CIB4: variants seen among roughly 807,000 people sequenced by gnomAD.
CIB4 encodes calcium and integrin-binding family member 4.
CIB4 carries 25 observed loss-of-function variants against 25.8 expected under a neutral mutation model. That is an observed-to-expected ratio of 0.97 (90% CI 0.71 to 1.35). CIB4 has a LOEUF of 1.35. Ranked by LOEUF, CIB4 falls within the 40% of genes most tolerant of loss-of-function variation. The probability of loss-of-function intolerance (pLI) is 0.00; values close to 1 mark genes in which losing one functional copy is unlikely to be tolerated. For synonymous variants in CIB4, 75 were observed against 81.4 expected (o/e 0.92, Z 0.42); for missense variants, 235 against 228.2 (o/e 1.03, Z -0.19).
chr2:26,606,976 A>G (rs72817146), intron 3 of CIB4, among the ~76,000 whole-genome samples: 2,857 of 152,318 alleles, frequency 0.019, 32 homozygotes, highest in Non-Finnish European at 0.028. Flanking sequence ...CCATGGGATC[A>G]TGTGGCTTGA....
chr2:26,601,231 A>AT (rs1553374674), intron 3 of CIB4, among the ~76,000 whole-genome samples: 14 of 17,194 alleles, frequency 8.1e-4, no homozygotes, highest in Non-Finnish European at 1.4e-3. Context: ...AAAAAAAAAA[A>AT]ATATATATAT....
chr2:26,626,776 G>A lies in CIB4; in HGVS notation c.186+2634C>T, dbSNP rs912796087. Among the ~76,000 whole-genome samples, 9 of 152,290 alleles carry A rather than the reference G, an allele frequency of 5.9e-5. No homozygotes were observed. In the East Asian group the frequency reaches 9.7e-4, roughly 16 times the overall value. ...GTGCACCTAGCCTATCTGCTGGGAA[G>A]AGCAGGCCTCACCCCACCTGCCCCA... On this transcript the variant is annotated intron_variant, in intron 3 of 6. Coordinates refer to ENST00000288861, the MANE Select transcript of CIB4 (RefSeq NM_001029881.3).
At chr2:26,591,857 C>G (rs1484784305) in intron 4 of CIB4, among the ~76,000 whole-genome samples, 3 of 152,230 alleles carry the variant, frequency 2.0e-5, no homozygotes, top group Non-Finnish European at 4.4e-5. Flanking sequence ...GGCAAGAAGT[C>G]AAGGCCCTAA....
intron 4 of CIB4, among the ~76,000 whole-genome samples, 162 bp from the exon 5 acceptor site, chr2:26,584,060 A>G (rs550089943): frequency 5.3e-5 from 8 of 152,256 alleles, no homozygotes; most frequent in African/African-American, 1.7e-4. Context: ...GGTCACACGT[A>G]TGTGCTAAAT....
intron 3 of CIB4, among the ~76,000 whole-genome samples, chr2:26,603,402 A>G (rs949441866): frequency 6.6e-6 from 1 of 152,192 alleles, no homozygotes; most frequent in Non-Finnish European, 1.5e-5. Context: ...AAGTAAATAT[A>G]AAAATACCTA....
At chr2:26,630,695 G>C (rs1275364283) in intron 2 of CIB4, among the ~76,000 whole-genome samples, 2 of 152,292 alleles carry the variant, frequency 1.3e-5, no homozygotes, top group East Asian at 3.9e-4. Context: ...GCCTCAGTCT[G>C]CTCCTCTTTG....
chr2:26,631,572 C>G (rs921003532), intron 2 of CIB4, among the ~76,000 whole-genome samples: 1 of 152,184 alleles, frequency 6.6e-6, no homozygotes, highest in Non-Finnish European at 1.5e-5. Context: ...AGAGCCCTGA[C>G]GATGGTAGGT....
chr2:26,599,266 A>G (rs1668738130), intron 3 of CIB4, among the ~76,000 whole-genome samples: 1 of 152,170 alleles, frequency 6.6e-6, no homozygotes, highest in African/African-American at 2.4e-5. Flanking sequence ...TATGATCTCC[A>G]TTTATACGTG....
Position 26,619,989 on chromosome 2 carries a change from A to T in CIB4, c.186+9421T>A, listed in dbSNP as rs115192451. Among the ~76,000 whole-genome samples, 963 of 149,224 alleles carry T rather than the reference A, an allele frequency of 6.5e-3. 25 individuals are homozygous for T. Among genetic ancestry groups the T allele is most frequent in the African/African-American group, 0.022 (873 of 39,748 alleles). On this transcript the variant is annotated intron_variant, in intron 3 of 6. Coordinates refer to ENST00000288861, the MANE Select transcript of CIB4 (RefSeq NM_001029881.3). ...AGCCCACAGCGGGGAAGGCAACACC[A>T]TCCTGATCTCCATCCCGGAATCCCC... is the stretch of plus-strand genomic sequence containing the variant.
chr2:26,637,427 T>C (rs1669554355), intron 2 of CIB4, among the ~76,000 whole-genome samples: 1 of 151,940 alleles, frequency 6.6e-6, no homozygotes, highest in African/African-American at 2.4e-5. Flanking sequence ...TATGGGTTTC[T>C]TTCTTCTTCT....
chr2:26,617,702 C>A (rs143571452), intron 3 of CIB4, among the ~76,000 whole-genome samples: 2 of 152,138 alleles, frequency 1.3e-5, no homozygotes, highest in Non-Finnish European at 2.9e-5. Flanking sequence ...GGATTATCAC[C>A]GGGTCCAGCT....
chr2:26,585,634 AG>A (rs1210181850), intron 4 of CIB4, among the ~76,000 whole-genome samples: 1 of 152,116 alleles, frequency 6.6e-6, no homozygotes, highest in Non-Finnish European at 1.5e-5. Context: ...TTAATCCTTC[AG>A]AGATTATGAA....
chr2:26,605,551 A>G, intron 3 of CIB4: 1 of 471,104 alleles, frequency 2.1e-6, no homozygotes. Context: ...TTCTTCCTTC[A>G]TCTCACTGCC....
At chr2:26,601,229 AAAATATATATATATATATAT>A (rs1668780360) in intron 3 of CIB4, among the ~76,000 whole-genome samples, 1 of 25,366 alleles carries the variant, frequency 3.9e-5, no homozygotes, top group Non-Finnish European at 1.1e-4. Flanking sequence ...AAAAAAAAAA[AAAATATATATATATATATAT>A]ATATATATAT....
At chr2:26,586,845 C>T (rs375126748) in intron 4 of CIB4, among the ~76,000 whole-genome samples, 2 of 152,032 alleles carry the variant, frequency 1.3e-5, no homozygotes, top group Admixed American at 6.6e-5. Context: ...ATGTTCTGGC[C>T]GATGAAGTGT....
At chr2:26,584,032 G>A in intron 4 of CIB4, 134 bp from the exon 5 acceptor site, 1 of 621,672 alleles carries the variant, frequency 1.6e-6, no homozygotes, top group Non-Finnish European at 2.9e-6. Context: ...GCCCCCCAGA[G>A]CCCAACTCTC....
chr2:26,618,977 G>A (rs538148482), intron 3 of CIB4, among the ~76,000 whole-genome samples: 4 of 152,286 alleles, frequency 2.6e-5, no homozygotes, highest in African/African-American at 7.2e-5. Flanking sequence ...TAATCTGAGC[G>A]CTGTGAAGCC....
chr2:26,628,481 G>A (rs1379086552), intron 3 of CIB4, among the ~76,000 whole-genome samples: 4 of 152,198 alleles, frequency 2.6e-5, no homozygotes, highest in Non-Finnish European at 1.5e-5. Flanking sequence ...GGGGGTGGGA[G>A]TGTGTTCTAG....
chr2:26,631,382 G>A (rs891045807), intron 2 of CIB4, among the ~76,000 whole-genome samples: 1 of 152,216 alleles, frequency 6.6e-6, no homozygotes, highest in Non-Finnish European at 1.5e-5. Context: ...GCTGAAGTGG[G>A]AGGATCACTG....
Sources: allele counts gnomAD v4.1 joint callset (sites outside exome capture counted in the v4.1 genomes callset), GRCh38; gene constraint gnomAD v4.1.1; transcripts MANE v1.5; gene names NCBI Gene and HGNC (gene_info 2026-07-23, HGNC 2026-07-21).